PLXNA4: variants seen among roughly 807,000 people sequenced by gnomAD.
PLXNA4 encodes plexin-A4.
Under a neutral mutation model 191.8 loss-of-function variants are expected in PLXNA4, and 44 were observed. That is an observed-to-expected ratio of 0.23 (90% CI 0.18 to 0.29). PLXNA4 has a LOEUF of 0.29. Among genes scored for constraint, PLXNA4 ranks in the 10% least tolerant of loss-of-function variants. The pLI is 1.00. For missense variants in PLXNA4, 1,800 were observed against 2,488.8 expected, an observed-to-expected ratio of 0.72 and a Z score of 5.89; for synonymous variants, 1,082 against 1,009.5, an observed-to-expected ratio of 1.07 and a Z score of -1.36.
At chr7:132,199,328 A>T (rs1217783377) in intron 12 of PLXNA4, among the ~76,000 whole-genome samples, 2 of 152,182 alleles carry the variant, frequency 1.3e-5, no homozygotes, top group East Asian at 3.9e-4. Context: ...TACTATGAGC[A>T]TTTGTCACAA....
At chr7:132,439,419 A>G (rs191956731) in intron 3 of PLXNA4, among the ~76,000 whole-genome samples, 1 of 152,362 alleles carries the variant, frequency 6.6e-6, no homozygotes, top group Admixed American at 6.5e-5. Flanking sequence ...ATGTATACAC[A>G]CAGGTACACA....
intron 2 of PLXNA4, among the ~76,000 whole-genome samples, chr7:132,640,365 C>G (rs1342036898): frequency 6.6e-6 from 1 of 152,178 alleles, no homozygotes; most frequent in Non-Finnish European, 1.5e-5. Context: ...TGCATCGCAT[C>G]CCCCTCAAAT....
rs557009854 is a variant in PLXNA4, at chr7:132,203,546, G to A, written c.2299-127C>T. 7.8e-6 allele frequency: 6 copies of A among 771,492 alleles called. No homozygotes were observed. In the South Asian group the frequency reaches 9.7e-5, roughly 12 times the overall value. The allele number at this position is 771,492 out of a possible 1,614,324, so 47.8% of individuals were successfully genotyped here. On this transcript the variant is annotated intron_variant, in intron 10 of 31. Coordinates refer to ENST00000321063, the MANE Select transcript of PLXNA4 (RefSeq NM_020911.2). The stretch of plus-strand genomic sequence containing the variant: ...AAAGACTGGCCAAGACTGTGCTTGT[G>A]TGCATGTGTCTACCTGTGTGCATAC...
chr7:132,360,710 G>A (rs1803902273), intron 3 of PLXNA4, among the ~76,000 whole-genome samples: 1 of 152,194 alleles, frequency 6.6e-6, no homozygotes, highest in Admixed American at 6.5e-5. Flanking sequence ...CCACCTCGGA[G>A]CTCAGAAGAT....
At chr7:132,390,184 T>C (rs1195569323) in intron 3 of PLXNA4, among the ~76,000 whole-genome samples, 1 of 152,180 alleles carries the variant, frequency 6.6e-6, no homozygotes, top group Admixed American at 6.5e-5. Flanking sequence ...CCATCAATGA[T>C]AGACTGGACA....
chr7:132,535,758 C>T (rs765638573), intron 1 of PLXNA4, among the ~76,000 whole-genome samples: 5 of 139,720 alleles, frequency 3.6e-5, no homozygotes, highest in Non-Finnish European at 6.2e-5. Flanking sequence ...GATCTTTTCC[C>T]GATGATTGAA....
intron 1 of PLXNA4, among the ~76,000 whole-genome samples, chr7:132,565,976 G>A (rs1397425103): frequency 1.3e-5 from 2 of 152,162 alleles, no homozygotes; most frequent in African/African-American, 4.8e-5. Context: ...CACTGCAGTT[G>A]GGTTCGAACT....
chr7:132,247,865 G>A (rs1346689341), intron 4 of PLXNA4, among the ~76,000 whole-genome samples: 1 of 152,212 alleles, frequency 6.6e-6, no homozygotes, highest in Non-Finnish European at 1.5e-5. Context: ...TTTGCTCAAA[G>A]GGGGCAGGTA....
At chr7:132,429,014 C>G (rs1795160562) in intron 3 of PLXNA4, among the ~76,000 whole-genome samples, 2 of 152,062 alleles carry the variant, frequency 1.3e-5, no homozygotes, top group Non-Finnish European at 2.9e-5. Flanking sequence ...TGCTGGTCAG[C>G]TGGGGGCTGC....
upstream of PLXNA4, among the ~76,000 whole-genome samples, chr7:132,580,558 C>A (rs932576549): frequency 5.3e-5 from 8 of 152,184 alleles, no homozygotes; most frequent in African/African-American, 1.9e-4. Flanking sequence ...GAAGCTATGT[C>A]TGTGGGACTT....
intron 1 of PLXNA4, among the ~76,000 whole-genome samples, chr7:132,528,922 C>A (rs1423042977): frequency 6.6e-6 from 1 of 152,234 alleles, no homozygotes; most frequent in Non-Finnish European, 1.5e-5. Context: ...ACCCAGTAAT[C>A]CCTCAGGCTA....
intron 1 of PLXNA4, among the ~76,000 whole-genome samples, chr7:132,539,544 T>C (rs116569818): frequency 0.011 from 1,677 of 152,288 alleles, 39 homozygotes; most frequent in African/African-American, 0.039. Context: ...CACACTGAAG[T>C]TTGAAAAGCC....
intron 25 of PLXNA4, among the ~76,000 whole-genome samples, chr7:132,156,135 TAC>T (rs57153762): frequency 0.091 from 12,097 of 132,932 alleles, 529 homozygotes; most frequent in East Asian, 0.12. Context: ...TTTCTGGACA[TAC>T]ACACACACAC....
intron 1 of PLXNA4, among the ~76,000 whole-genome samples, chr7:132,536,901 C>T (rs961339933): frequency 3.9e-5 from 6 of 152,216 alleles, no homozygotes; most frequent in African/African-American, 1.4e-4. Flanking sequence ...ATTTTGAGCA[C>T]GAACTGCTGA....
chr7:132,507,415 G>A, intron 2 of PLXNA4, 91 bp downstream of exon 2: 1 of 1,370,330 alleles, frequency 7.3e-7, no homozygotes, highest in Non-Finnish European at 9.8e-7. Flanking sequence ...TGCAAAAGGG[G>A]AAGGATGATA....
chr7:132,304,606 C>T (rs966189150), intron 3 of PLXNA4, among the ~76,000 whole-genome samples: 4 of 152,194 alleles, frequency 2.6e-5, no homozygotes, highest in South Asian at 2.1e-4. Flanking sequence ...GGAGCAGCCA[C>T]GTTTCAGGTG....
Position 132,223,791 on chromosome 7 carries a change from C to T in PLXNA4, c.1983-150G>A, listed in dbSNP as rs1005941738. 2.6e-5 allele frequency: 16 copies of T among 622,008 alleles called. No homozygotes were observed. The African/African-American group carries it at 2.9e-4, about 11-fold the overall frequency. The allele number at this position is 622,008 out of a possible 1,614,324, so 38.5% of individuals were successfully genotyped here. A position where few individuals can be genotyped will look rare whatever the true frequency, so the allele number is the denominator to read the frequency against. ...AAGGGCAGATCTTATGCACATCTAT[C>T]CCTTTACTCCCCAAGACCTCAGGAA... On this transcript the variant is annotated intron_variant, in intron 8 of 31. Transcript: ENST00000321063.
chr7:132,162,717 G>A (rs1418292089), intron 24 of PLXNA4, among the ~76,000 whole-genome samples: 1 of 152,000 alleles, frequency 6.6e-6, no homozygotes, highest in Middle Eastern at 3.2e-3. Context: ...CAGAAAGCAG[G>A]GGCCTCATTC....
At chr7:132,142,793 C>T (rs1315112465) in intron 29 of PLXNA4, among the ~76,000 whole-genome samples, 4 of 152,342 alleles carry the variant, frequency 2.6e-5, no homozygotes, top group Admixed American at 6.5e-5. Context: ...GCAGGACTCA[C>T]GACTTCCAGC....
Sources: gnomAD v4.1 joint callset for allele counts (sites outside exome capture counted in the v4.1 genomes callset) on GRCh38, gnomAD v4.1.1 for gene constraint, MANE v1.5 for transcripts, NCBI Gene and HGNC (gene_info 2026-07-23, HGNC 2026-07-21) for gene names.